Variants in COL6A6 observed in about 807,000 individuals in gnomAD.
The protein encoded by COL6A6 is collagen type VI alpha 6 chain.
In COL6A6, 183 loss-of-function variants were observed where a neutral mutation model predicts 208.6. The ratio of observed to expected loss-of-function variants is 0.88; its 90% confidence interval spans 0.78 to 0.99. The LOEUF is 0.99. Ranked by LOEUF, COL6A6 falls within the 50% of genes least tolerant of loss-of-function variation. The pLI is 0.00. For synonymous variants in COL6A6, 973 were observed against 1,011.8 expected (o/e 0.96, Z 0.73); for missense variants, 2,816 against 2,815.2 (o/e 1.00, Z -0.01).
chr3:130,661,381 C>G (rs997887805), intron 34 of COL6A6, among the ~76,000 whole-genome samples: 1 of 152,178 alleles, frequency 6.6e-6, no homozygotes, highest in South Asian at 2.1e-4. Context: ...GATTAAACTT[C>G]TGTTGAAAAC....
chr3:130,541,601 C>T (rs1445125083), intron 1 of COL6A6, among the ~76,000 whole-genome samples: 2 of 152,166 alleles, frequency 1.3e-5, no homozygotes, highest in African/African-American at 4.8e-5. Context: ...GTTCAAACTC[C>T]TTGTCAGCAT....
At chr3:130,563,757 C>A in intron 3 of COL6A6, 93 bp downstream of exon 3, 1 of 837,334 alleles carries the variant, frequency 1.2e-6, no homozygotes. Context: ...TATTCCTATC[C>A]CCAAAATGGG....
intron 1 of COL6A6, among the ~76,000 whole-genome samples, chr3:130,552,641 A>G (rs13079049): frequency 0.69 from 104,637 of 152,046 alleles, 39,597 homozygotes; most frequent in Non-Finnish European, 0.85. Flanking sequence ...TAGCCTGTTT[A>G]CATTCAAGAT....
chr3:130,551,882 ATCT>A (rs1465869462), intron 1 of COL6A6, among the ~76,000 whole-genome samples: 1 of 152,076 alleles, frequency 6.6e-6, no homozygotes, highest in East Asian at 1.9e-4. Flanking sequence ...AGTTTCAAAG[ATCT>A]TCTTAATTTC....
chr3:130,540,624 C>T (rs373849196), intron 1 of COL6A6, among the ~76,000 whole-genome samples: 15 of 152,236 alleles, frequency 9.9e-5, no homozygotes, highest in East Asian at 1.9e-4. Flanking sequence ...GCCCAACATG[C>T]GTTATCTCTT....
In COL6A6 at chr3:130,567,082, G is replaced by A; in HGVS notation, c.1663G>A (p.Glu555Lys). ...TGGCATGTCCAAGGATAGCATCTTGGAGCCTGCAAACAGACTGAGAGAAGA... is the reference window on the plus strand; with the variant it reads ...TGGCATGTCCAAGGATAGCATCTTGAAGCCTGCAAACAGACTGAGAGAAGA... ...TNGMSKDSIL[E>K]PANRLREEHI... is the part of the protein sequence containing the mutation. Residue 555 changes from glutamate to lysine, a missense_variant, in exon 5 of 37, where the codon GAG becomes AAG. Transcript: ENST00000358511. 6.2e-7 allele frequency: 1 copy of A among 1,614,042 alleles called. No individual in the cohort carries two copies. The highest frequency in any genetic ancestry group is 8.5e-7 in the Non-Finnish European group (1 of 1,179,898).
intron 10 of COL6A6, 69 bp downstream of exon 10, chr3:130,582,137 C>T (rs1397183033): frequency 6.1e-6 from 6 of 991,040 alleles, no homozygotes; most frequent in Non-Finnish European, 8.9e-6. Context: ...AATTCTGGCT[C>T]TTAAATTTCC....
chr3:130,612,105 A>G (rs1219113671), intron 23 of COL6A6, among the ~76,000 whole-genome samples: 1 of 152,116 alleles, frequency 6.6e-6, no homozygotes, highest in Admixed American at 6.6e-5. Context: ...GCTGCAAAGG[A>G]CATGATCTTG....
At chr3:130,582,361 C>T (rs571397326) in intron 10 of COL6A6, among the ~76,000 whole-genome samples, 6 of 152,226 alleles carry the variant, frequency 3.9e-5, no homozygotes, top group Admixed American at 1.3e-4. Context: ...CTTTCTCTCT[C>T]GCCCCACATT....
At chr3:130,633,818 C>T (rs1160343934) in intron 26 of COL6A6, among the ~76,000 whole-genome samples, 4 of 21,792 alleles carry the variant, frequency 1.8e-4, no homozygotes, top group South Asian at 1.8e-3. Flanking sequence ...AACCAAACAC[C>T]GCATATTCTC....
rs561604816 is a variant in COL6A6, at chr3:130,556,744, A to G, written c.-31-3590A>G. Reference sequence around the variant, plus strand: ...TTCTAGTGGATTCTTTGCACTATTAAAATTTTAGTCCCCTGAAGTTCATGT... The same window carrying G: ...TTCTAGTGGATTCTTTGCACTATTAGAATTTTAGTCCCCTGAAGTTCATGT... On this transcript the variant is annotated intron_variant, in intron 1 of 36. Transcript: ENST00000358511. Among the ~76,000 whole-genome samples the G allele has an allele frequency of 1.8e-4, 27 of 152,090 alleles. No homozygotes were observed. In the South Asian group the frequency reaches 5.6e-3, roughly 32 times the overall value.
rs189167808 is a variant in COL6A6, at chr3:130,604,185, A to G, written c.4654-2746A>G. Among the ~76,000 whole-genome samples, 12 of 152,228 alleles carry G rather than the reference A, an allele frequency of 7.9e-5. No individual in the cohort carries two copies. The East Asian group carries it at 1.9e-3, about 24-fold the overall frequency. ...CCAATATATCTCTCCCATGACTTTC[A>G]TTTGGAGCTTAAATCCCAAGTAACT... On this transcript the variant is annotated intron_variant, in intron 20 of 36. Transcript: ENST00000358511.
intron 1 of COL6A6, among the ~76,000 whole-genome samples, chr3:130,532,986 C>G (rs1394816003): frequency 6.6e-6 from 1 of 152,118 alleles, no homozygotes; most frequent in Non-Finnish European, 1.5e-5. Context: ...GCTGACTTGG[C>G]CCGGAGCAAG....
At chr3:130,556,605 C>A (rs999721008) in intron 1 of COL6A6, among the ~76,000 whole-genome samples, 1 of 151,094 alleles carries the variant, frequency 6.6e-6, no homozygotes, top group Non-Finnish European at 1.5e-5. Flanking sequence ...TGAGATTTTT[C>A]TTTTCAAAGA....
intron 22 of COL6A6, 51 bp from the exon 23 acceptor site, chr3:130,610,598 T>C: frequency 7.7e-7 from 1 of 1,296,876 alleles, no homozygotes; most frequent in South Asian, 1.3e-5. Flanking sequence ...CAATTTAATA[T>C]TCAATGTTCT....
intron 8 of COL6A6, among the ~76,000 whole-genome samples, chr3:130,579,010 T>C (rs2063358516): frequency 6.6e-6 from 1 of 152,210 alleles, no homozygotes; most frequent in Admixed American, 6.5e-5. Flanking sequence ...AGTCCCTAGC[T>C]ATACTTTATA....
chr3:130,604,216 G>A (rs1185841132), intron 20 of COL6A6, among the ~76,000 whole-genome samples: 3 of 152,150 alleles, frequency 2.0e-5, no homozygotes, highest in African/African-American at 4.8e-5. Context: ...TAACTGGGCC[G>A]GGCGTGGTGG....
intron 10 of COL6A6, among the ~76,000 whole-genome samples, chr3:130,583,408 T>C (rs1054043223): frequency 6.6e-6 from 1 of 152,192 alleles, no homozygotes; most frequent in African/African-American, 2.4e-5. Context: ...TGTTTTCTTT[T>C]ATTTCAGCTT....
chr3:130,541,434 A>T (rs2062361367), intron 1 of COL6A6, among the ~76,000 whole-genome samples: 1 of 152,196 alleles, frequency 6.6e-6, no homozygotes, highest in South Asian at 2.1e-4. Context: ...ATTACTAATA[A>T]AGCTGTTAGA....
Sources: allele counts gnomAD v4.1 joint callset (sites outside exome capture counted in the v4.1 genomes callset), GRCh38; gene constraint gnomAD v4.1.1; transcripts MANE v1.5; gene names NCBI Gene and HGNC (gene_info 2026-07-23, HGNC 2026-07-21).